The following GRM8 variants were observed in gnomAD, a reference collection of about 807,000 sequenced individuals.
GRM8 encodes the protein glutamate metabotropic receptor 8, also known as metabotropic glutamate receptor 8.
Under a neutral mutation model 87.2 loss-of-function variants are expected in GRM8, and 47 were observed. The observed-to-expected ratio is 0.54, with a 90% CI of 0.43 to 0.69. The LOEUF (loss-of-function observed/expected upper bound fraction) is 0.69, where lower values mean the gene tolerates loss of function less well. Ranked by LOEUF, GRM8 falls within the 30% of genes least tolerant of loss-of-function variation. GRM8 has a pLI of 0.00. For synonymous variants in GRM8, 396 were observed against 404.5 expected, an observed-to-expected ratio of 0.98 and a Z score of 0.25; for missense variants, 1,019 against 1,139.2, an observed-to-expected ratio of 0.89 and a Z score of 1.52.
At chr7:127,112,996 A>C (rs1826471167) in intron 2 of GRM8, among the ~76,000 whole-genome samples, 1 of 152,152 alleles carries the variant, frequency 6.6e-6, no homozygotes, top group Admixed American at 6.5e-5. Context: ...AAGTGCTTAC[A>C]TCTCCCCCAA....
At chr7:126,643,305 AAAAAAAAAAAAAAAATAT>A (rs1346927432) in intron 7 of GRM8, among the ~76,000 whole-genome samples, 1 of 31,940 alleles carries the variant, frequency 3.1e-5, no homozygotes, top group Non-Finnish European at 6.4e-5. Context: ...AAAAAAAAAA[AAAAAAAAAAAAAAAATAT>A]ATATATATAT....
chr7:126,602,740 T>C (rs879559270), intron 8 of GRM8, among the ~76,000 whole-genome samples: 8 of 151,966 alleles, frequency 5.3e-5, no homozygotes, highest in Non-Finnish European at 8.8e-5. Context: ...TGTTTGTCTG[T>C]TGATAGTTTA....
intron 2 of GRM8, among the ~76,000 whole-genome samples, chr7:127,127,954 C>T (rs1205260177): frequency 6.6e-6 from 1 of 151,962 alleles, no homozygotes. Flanking sequence ...TTCTGTTTAC[C>T]TTCAAAATAT....
chr7:126,695,129 C>T (rs1174511804), intron 7 of GRM8, among the ~76,000 whole-genome samples: 1 of 152,076 alleles, frequency 6.6e-6, no homozygotes, highest in African/African-American at 2.4e-5. Context: ...GACTGAGATG[C>T]CTATATTCGA....
At chr7:126,503,181 T>TC (rs1475671390) in intron 9 of GRM8, among the ~76,000 whole-genome samples, 4 of 151,880 alleles carry the variant, frequency 2.6e-5, no homozygotes, top group African/African-American at 9.7e-5. Context: ...CATATCTGGA[T>TC]CTGGGGGAAT....
chr7:126,912,291 A>G (rs951565126), intron 3 of GRM8, among the ~76,000 whole-genome samples: 2 of 152,218 alleles, frequency 1.3e-5, no homozygotes, highest in African/African-American at 2.4e-5. Flanking sequence ...ACCTTCTCCA[A>G]TGCAGGCTGG....
chr7:126,570,164 C>T (rs1366134787), intron 8 of GRM8, among the ~76,000 whole-genome samples: 1 of 151,998 alleles, frequency 6.6e-6, no homozygotes, highest in Non-Finnish European at 1.5e-5. Flanking sequence ...TAGCTACTTC[C>T]TTCTCATCTT....
intron 9 of GRM8, among the ~76,000 whole-genome samples, chr7:126,477,930 C>T (rs1362597829): frequency 6.6e-6 from 1 of 152,056 alleles, no homozygotes; most frequent in Non-Finnish European, 1.5e-5. Flanking sequence ...GTTCTCTTTC[C>T]CTCTTCTAGC....
At chr7:126,483,378 G>A (rs1357286993) in intron 9 of GRM8, among the ~76,000 whole-genome samples, 5 of 150,736 alleles carry the variant, frequency 3.3e-5, no homozygotes, top group Non-Finnish European at 7.4e-5. Flanking sequence ...TCACTACAAT[G>A]TTTATCACAG....
At chr7:126,715,005 A>C (rs1395771461) in intron 7 of GRM8, among the ~76,000 whole-genome samples, 1 of 152,188 alleles carries the variant, frequency 6.6e-6, no homozygotes, top group Non-Finnish European at 1.5e-5. Flanking sequence ...GTAGGCAACC[A>C]CGGCTGCAGA....
At chr7:126,787,845 A>T (rs1045655711) in intron 6 of GRM8, among the ~76,000 whole-genome samples, 11 of 152,168 alleles carry the variant, frequency 7.2e-5, no homozygotes, top group Admixed American at 6.6e-5. Context: ...TAACTAGGGT[A>T]AATTCTACTG....
chr7:126,627,826 T>C (rs1266271898), intron 7 of GRM8, among the ~76,000 whole-genome samples: 1 of 152,208 alleles, frequency 6.6e-6, no homozygotes, highest in Non-Finnish European at 1.5e-5. Flanking sequence ...TTTCTAAATG[T>C]TGCATTATGG....
At chr7:126,772,351 T>C (rs1209268768) in intron 6 of GRM8, among the ~76,000 whole-genome samples, 2 of 152,154 alleles carry the variant, frequency 1.3e-5, no homozygotes, top group Non-Finnish European at 2.9e-5. Context: ...CTGTGTTTCA[T>C]TTATTTTGCA....
At chr7:126,760,218 A>G (rs1160603370) in intron 7 of GRM8, among the ~76,000 whole-genome samples, 1 of 152,184 alleles carries the variant, frequency 6.6e-6, no homozygotes, top group African/African-American at 2.4e-5. Flanking sequence ...GAAGAAGACC[A>G]GGAATTACAA....
chr7:126,827,770 G>C (rs1794965472), intron 6 of GRM8, among the ~76,000 whole-genome samples: 1 of 152,192 alleles, frequency 6.6e-6, no homozygotes, highest in Non-Finnish European at 1.5e-5. Context: ...TGGTGAGAGA[G>C]GGCATCCCTG....
At chr7:127,016,602 C>T (rs1162348237) in intron 3 of GRM8, among the ~76,000 whole-genome samples, 1 of 151,878 alleles carries the variant, frequency 6.6e-6, no homozygotes, top group Non-Finnish European at 1.5e-5. Context: ...ATGCACCAAA[C>T]AAAAAATGAA....
intron 3 of GRM8, among the ~76,000 whole-genome samples, chr7:127,103,281 G>A (rs893902432): frequency 6.6e-6 from 1 of 152,206 alleles, no homozygotes; most frequent in African/African-American, 2.4e-5. Context: ...ATGTCGAAAT[G>A]TCATCCCCAG....
chr7:127,186,705 G>A (rs1794757673), intron 2 of GRM8, among the ~76,000 whole-genome samples: 1 of 152,164 alleles, frequency 6.6e-6, no homozygotes, highest in South Asian at 2.1e-4. Flanking sequence ...AAGAGAATAT[G>A]AAATGTATTA....
Position 126,592,390 on chromosome 7 carries a change from T to C in GRM8, c.1494+16972A>G, listed in dbSNP as rs142172568. 4.2e-3 allele frequency among the ~76,000 whole-genome samples: 631 copies of C among 151,974 alleles called. 7 individuals are homozygous for C. Among genetic ancestry groups the C allele is most frequent in the African/African-American group, 0.014 (600 of 41,498 alleles). On this transcript the variant is annotated intron_variant, in intron 8 of 10. Transcript: ENST00000339582. ...GATGTAAAACATCTTCAACAAAATA[T>C]TGGCAAACAGAATTCAAAGGCACGT...
Sources: allele counts gnomAD v4.1 joint callset (sites outside exome capture counted in the v4.1 genomes callset), GRCh38; gene constraint gnomAD v4.1.1; transcripts MANE v1.5; gene names NCBI Gene and HGNC (gene_info 2026-07-23, HGNC 2026-07-21).